TBC1D1: variants seen among roughly 807,000 people sequenced by gnomAD.
The protein encoded by TBC1D1 is TBC1 (tre-2/USP6, BUB2, cdc16) domain family, member 1.
TBC1D1 carries 89 observed loss-of-function variants against 125.6 expected under a neutral mutation model. That is an observed-to-expected ratio of 0.71 (90% confidence interval 0.60 to 0.85). TBC1D1 has a LOEUF of 0.85. Among genes scored for constraint, TBC1D1 ranks in the 40% least tolerant of loss-of-function variants. The probability of loss-of-function intolerance (pLI) is 0.00; values close to 1 mark genes in which losing one functional copy is unlikely to be tolerated. For missense variants in TBC1D1, 1,377 were observed against 1,469.2 expected, an observed-to-expected ratio of 0.94 and a Z score of 1.03; for synonymous variants, 565 against 564.1, an observed-to-expected ratio of 1.00 and a Z score of -0.02.
rs913170878 is a variant in TBC1D1, at chr4:38,014,507, A to C, written c.418-2A>C. ...AAATAACACGCCTCTCTCTCTCCTCAGGTGCCTGAGATCATCAGCTCCATC... is the reference window on the plus strand; with the variant it reads ...AAATAACACGCCTCTCTCTCTCCTCCGGTGCCTGAGATCATCAGCTCCATC... On this transcript the variant is annotated splice_acceptor_variant, in intron 2 of 19. Coordinates refer to ENST00000261439, the MANE Select transcript of TBC1D1 (RefSeq NM_015173.4). LOFTEE classifies it high-confidence loss of function. The surrounding 1 kb of genome is among the most constrained non-coding windows in gnomAD (Gnocchi z 5.1). 1 of 1,610,940 alleles carries C rather than the reference A, an allele frequency of 6.2e-7. No individual in the cohort carries two copies. Among genetic ancestry groups the C allele is most frequent in the Admixed American group, 1.7e-5 (1 of 59,962 alleles).
intron 2 of TBC1D1, among the ~76,000 whole-genome samples, chr4:37,983,121 CTTTTTTTT>C (rs71190937): frequency 6.6e-4 from 77 of 116,566 alleles, no homozygotes; most frequent in African/African-American, 2.5e-3. Context: ...TCCCCAAACT[CTTTTTTTT>C]TTTTTTTTTT....
chr4:37,934,242 C>T (rs141320465), intron 2 of TBC1D1, among the ~76,000 whole-genome samples: 6 of 152,062 alleles, frequency 3.9e-5, no homozygotes, highest in African/African-American at 7.2e-5. Context: ...CCATCTGGGG[C>T]GACATCCAGG....
At chr4:38,091,106 A>G (rs1461857715) in intron 13 of TBC1D1, among the ~76,000 whole-genome samples, 3 of 152,230 alleles carry the variant, frequency 2.0e-5, no homozygotes, top group Non-Finnish European at 4.4e-5. Flanking sequence ...AGTTATGACA[A>G]CACTGTGTAC....
chr4:37,922,320 C>T (rs4832966), intron 2 of TBC1D1, among the ~76,000 whole-genome samples: 44,177 of 152,124 alleles, frequency 0.29, 7,587 homozygotes, highest in Non-Finnish European at 0.39. Context: ...AACTGAGGCT[C>T]GGGCTTATGT....
chr4:37,950,889 G>A (rs898830189), intron 2 of TBC1D1, among the ~76,000 whole-genome samples: 9 of 151,642 alleles, frequency 5.9e-5, no homozygotes, highest in African/African-American at 2.2e-4. Context: ...CTCCCAAGTA[G>A]CTGGGATTAC....
chr4:37,973,404 A>C (rs1274848172), intron 2 of TBC1D1, among the ~76,000 whole-genome samples: 2 of 152,174 alleles, frequency 1.3e-5, no homozygotes, highest in Non-Finnish European at 2.9e-5. Flanking sequence ...TTTTTTTGCA[A>C]GAAATGCAGT....
Position 38,054,326 on chromosome 4 carries a change from A to G in TBC1D1, c.2038A>G (p.Ser680Gly). Residue 680 changes from serine (S) to glycine (G), a missense_variant, in exon 12 of 20, where the codon AGC becomes GGC. Coordinates refer to ENST00000261439, the MANE Select transcript of TBC1D1 (RefSeq NM_015173.4). ...CCCGCAGAAGGCGTGCGATTCTTCC[A>G]GCAGATATGAAGGTAAGGCCGGTAC... 6.2e-7 allele frequency: 1 copy of G among 1,614,192 alleles called. No individual in the cohort carries two copies. Among genetic ancestry groups the G allele is most frequent in the South Asian group, 1.1e-5 (1 of 91,090 alleles).
intron 2 of TBC1D1, among the ~76,000 whole-genome samples, chr4:37,945,463 A>G (rs1234743350): frequency 2.1e-5 from 3 of 139,784 alleles, no homozygotes; most frequent in Admixed American, 7.8e-5. Flanking sequence ...CAGTGAGCCA[A>G]GATCACACCA....
chr4:37,903,276 A>G (rs533535591), intron 2 of TBC1D1, among the ~76,000 whole-genome samples: 15 of 152,200 alleles, frequency 9.9e-5, no homozygotes, highest in Non-Finnish European at 2.2e-4. Flanking sequence ...CTTTGTTATT[A>G]GCATTCGTTG....
At chr4:38,085,118 A>G (rs958125164) in intron 12 of TBC1D1, among the ~76,000 whole-genome samples, 3 of 152,228 alleles carry the variant, frequency 2.0e-5, no homozygotes, top group Non-Finnish European at 4.4e-5. Context: ...TTGTGTGCAG[A>G]TAGAAAGAAT....
intron 12 of TBC1D1, among the ~76,000 whole-genome samples, chr4:38,078,559 G>A (rs766956908): frequency 6.6e-6 from 1 of 152,168 alleles, no homozygotes; most frequent in Non-Finnish European, 1.5e-5. Flanking sequence ...TGTGAGTGAA[G>A]CCCTCATGAA....
At chr4:38,084,478 T>A (rs1757134817) in intron 12 of TBC1D1, among the ~76,000 whole-genome samples, 2 of 152,270 alleles carry the variant, frequency 1.3e-5, no homozygotes, top group African/African-American at 4.8e-5. Flanking sequence ...TGGGCTCTGC[T>A]TTCTGTTGTA....
chr4:38,088,094 G>C (rs1264681752), intron 12 of TBC1D1, among the ~76,000 whole-genome samples: 2 of 151,818 alleles, frequency 1.3e-5, no homozygotes, highest in Admixed American at 1.3e-4. Flanking sequence ...GTGAGGTAAA[G>C]CAGAACTTTA....
chr4:38,111,798 T>C (rs1762243308), intron 15 of TBC1D1: 1 of 302,118 alleles, frequency 3.3e-6, no homozygotes, highest in Non-Finnish European at 4.9e-6. Flanking sequence ...GAAAACAGTG[T>C]CTCCCCCAAT....
intron 2 of TBC1D1, among the ~76,000 whole-genome samples, chr4:37,993,084 G>C (rs71604101): frequency 6.6e-6 from 1 of 152,148 alleles, no homozygotes; most frequent in Non-Finnish European, 1.5e-5. Context: ...GATTACAGGC[G>C]TGAGCCACCG....
At chr4:37,935,901 C>T (rs973675810) in intron 2 of TBC1D1, among the ~76,000 whole-genome samples, 5 of 152,174 alleles carry the variant, frequency 3.3e-5, no homozygotes, top group South Asian at 2.1e-4. Context: ...AATATGACAG[C>T]GCTATTCCTT....
intron 2 of TBC1D1, among the ~76,000 whole-genome samples, chr4:37,938,226 T>C (rs1265450158): frequency 1.3e-5 from 2 of 152,060 alleles, no homozygotes; most frequent in Non-Finnish European, 2.9e-5. Context: ...AAAAAAAAAT[T>C]ATATGTACGT....
rs1766771661 is a variant in TBC1D1, at chr4:38,137,168, A to G, written c.3340A>G (p.Thr1114Ala). 6.2e-7 allele frequency: 1 copy of G among 1,613,346 alleles called. No individual in the cohort carries two copies. The highest frequency in any genetic ancestry group is 8.5e-7 in the Non-Finnish European group (1 of 1,180,044). The change falls in exon 20 of 20, where the codon ACC (threonine) becomes GCC (alanine). Residue 1114 changes from threonine (T) to alanine (A), a missense_variant. This residue lies in a region of TBC1D1 where 543 missense variants were observed against 613.5 expected (regional missense o/e 0.89). Transcript: ENST00000261439. ...TGGTAGGATCCAAAGCCTTGAGGCCACCATTGAGAAGCTCCTGAGCAGTGA... is the reference window on the plus strand; with the variant it reads ...TGGTAGGATCCAAAGCCTTGAGGCCGCCATTGAGAAGCTCCTGAGCAGTGA...
At chr4:38,120,874 T>C (rs540615994) in intron 17 of TBC1D1, among the ~76,000 whole-genome samples, 97 of 152,230 alleles carry the variant, frequency 6.4e-4, no homozygotes, top group African/African-American at 2.2e-3. Context: ...TTGCTCCTGA[T>C]GGAGGAGGAG....
Sources: allele counts gnomAD v4.1 joint callset (sites outside exome capture counted in the v4.1 genomes callset), GRCh38; gene constraint gnomAD v4.1.1; regional missense constraint gnomAD v4.1.1; non-coding constraint Gnocchi (gnomAD v3.1); transcripts MANE v1.5; gene names NCBI Gene and HGNC (gene_info 2026-07-23, HGNC 2026-07-21).